CCNI: variants seen among roughly 807,000 people sequenced by gnomAD.
CCNI encodes the protein cyclin I, also known as cyclin-I.
Under a neutral mutation model 34.1 loss-of-function variants are expected in CCNI, and 14 were observed. The observed-to-expected ratio is 0.41, with a 90% CI of 0.27 to 0.64. CCNI has a LOEUF of 0.64. Among genes scored for constraint, CCNI ranks in the 30% least tolerant of loss-of-function variants. The pLI is 0.31. For synonymous variants in CCNI, 154 were observed against 158.4 expected (o/e 0.97, Z 0.21); for missense variants, 385 against 440.5 (o/e 0.87, Z 1.13).
At chr4:77,056,903 G>A (rs1456188417) in intron 3 of CCNI, among the ~76,000 whole-genome samples, 1 of 151,688 alleles carries the variant, frequency 6.6e-6, no homozygotes, top group Non-Finnish European at 1.5e-5. Context: ...AGAGCTAACT[G>A]TTAGCATTAC....
At chr4:77,070,946 G>A (rs1578257811) in intron 1 of CCNI, among the ~76,000 whole-genome samples, 1 of 152,168 alleles carries the variant, frequency 6.6e-6, no homozygotes, top group South Asian at 2.1e-4. Flanking sequence ...AGGTTCTAAG[G>A]TTTCTTCCAA....
chr4:77,067,246 C>CA (rs112476238), intron 1 of CCNI, among the ~76,000 whole-genome samples: 9,338 of 141,546 alleles, frequency 0.066, 926 homozygotes, highest in African/African-American at 0.22. Flanking sequence ...ACAAACAAAC[C>CA]AAAAAAAAAA....
chr4:77,053,360 G>C (rs1415677159), intron 6 of CCNI, among the ~76,000 whole-genome samples: 2 of 152,140 alleles, frequency 1.3e-5, no homozygotes, highest in African/African-American at 4.8e-5. Context: ...CCCTACACCA[G>C]AGCTATAAAA....
At chr4:77,067,554 T>C (rs1156422899) in intron 1 of CCNI, among the ~76,000 whole-genome samples, 1 of 151,950 alleles carries the variant, frequency 6.6e-6, no homozygotes, top group Non-Finnish European at 1.5e-5. Flanking sequence ...AGTACAGTGG[T>C]GTAGTGGCTC....
intron 6 of CCNI, among the ~76,000 whole-genome samples, chr4:77,054,130 GT>G (rs1728050858): frequency 6.6e-6 from 1 of 151,942 alleles, no homozygotes; most frequent in Admixed American, 6.6e-5. Context: ...TTTTTGCCTG[GT>G]TCATTTTCTT....
chr4:77,054,360 A>G (rs1012390868), intron 6 of CCNI, among the ~76,000 whole-genome samples: 1 of 152,220 alleles, frequency 6.6e-6, no homozygotes, highest in Non-Finnish European at 1.5e-5. Context: ...CTACTGTTAA[A>G]TAAGAATAAA....
At chr4:77,060,756 C>T (rs1175112794) in intron 2 of CCNI, among the ~76,000 whole-genome samples, 1 of 152,108 alleles carries the variant, frequency 6.6e-6, no homozygotes. Context: ...TCCCAAGTAG[C>T]TGGGATTACA....
intron 1 of CCNI, among the ~76,000 whole-genome samples, chr4:77,073,009 G>C (rs1040477769): frequency 2.6e-5 from 4 of 152,166 alleles, no homozygotes; most frequent in East Asian, 1.9e-4. Flanking sequence ...AGCACATTTT[G>C]AGTTGAATTA....
At chr4:77,048,772 G>C in intron 6 of CCNI, 110 bp from the exon 7 acceptor site, 1 of 654,808 alleles carries the variant, frequency 1.5e-6, no homozygotes, top group South Asian at 3.5e-5. Flanking sequence ...TCCCCGCTGA[G>C]TCTTTTCTCT....
chr4:77,055,325 A>G lies in CCNI; in HGVS notation c.515T>C (p.Leu172Ser). The G allele has an allele frequency of 6.2e-7, 1 of 1,614,208 alleles. No individual in the cohort carries two copies. Among genetic ancestry groups the G allele is most frequent in the South Asian group, 1.1e-5 (1 of 91,080 alleles). The change falls in exon 6 of 7, where the codon TTG becomes TCG. Residue 172 changes from leucine (L) to serine (S), a missense_variant. By Grantham distance (145) the Leu-to-Ser change is moderately radical (BLOSUM62 -2). Around this residue, in one of 2 missense-constraint regions of CCNI, gnomAD observed 250 missense variants for 248.7 expected, o/e 1.01. Coordinates refer to ENST00000237654, the MANE Select transcript of CCNI (RefSeq NM_006835.3). ...GACTGCCAAATGTTGAGATGGGCTC[A>G]ATTTGGGCAAACTGAAAAGTAACTG... ...RPQLLFSLPKLSPSQHLAVLT... is the reference protein window; with the variant it reads ...RPQLLFSLPKSSPSQHLAVLT...
At chr4:77,072,656 A>AG (rs1729574249) in intron 1 of CCNI, among the ~76,000 whole-genome samples, 3 of 149,806 alleles carry the variant, frequency 2.0e-5, no homozygotes, top group African/African-American at 7.4e-5. Context: ...AAAAAAAAAA[A>AG]AAAAAGAAAA....
chr4:77,047,639 A>T lies in CCNI; in HGVS notation c.*580T>A, dbSNP rs544830591. The T allele has an allele frequency of 2.0e-5, 3 of 152,202 alleles. No homozygotes were observed. Among genetic ancestry groups the T allele is most frequent in the Non-Finnish European group, 4.4e-5 (3 of 68,040 alleles). 9.4% of individuals were successfully genotyped at this position (152,202 alleles called of 1,614,324 possible). On this transcript the variant is annotated 3_prime_UTR_variant, in exon 7 of 7. Coordinates refer to ENST00000237654, the MANE Select transcript of CCNI (RefSeq NM_006835.3). Reference sequence around the variant, plus strand: ...AATTAAAATTTGAAATGAGACACAAAATCAACCTGGTAATATGAGAACTTT... The same window carrying T: ...AATTAAAATTTGAAATGAGACACAATATCAACCTGGTAATATGAGAACTTT...
rs572991428 is a variant in CCNI, at chr4:77,047,618, A to T, written c.*601T>A. 2.0e-5 allele frequency: 3 copies of T among 152,276 alleles called. No homozygotes were observed. Among genetic ancestry groups the T allele is most frequent in the Non-Finnish European group, 4.4e-5 (3 of 68,056 alleles). The allele number at this position is 152,276 out of a possible 1,614,324, so 9.4% of individuals were successfully genotyped here. On this transcript the variant is annotated 3_prime_UTR_variant, in exon 7 of 7. Coordinates refer to ENST00000237654, the MANE Select transcript of CCNI (RefSeq NM_006835.3). ...AAAATGAAAACCATAATTTTAAATTAAAATTTGAAATGAGACACAAAATCA... is the reference window on the plus strand; with the variant it reads ...AAAATGAAAACCATAATTTTAAATTTAAATTTGAAATGAGACACAAAATCA...
intron 6 of CCNI, among the ~76,000 whole-genome samples, chr4:77,051,223 T>C (rs1727802956): frequency 6.6e-6 from 1 of 152,212 alleles, no homozygotes; most frequent in Non-Finnish European, 1.5e-5. Context: ...GCCAAACCCA[T>C]GGATATGGAG....
At chr4:77,066,697 A>T (rs553548512) in intron 1 of CCNI, among the ~76,000 whole-genome samples, 1 of 152,338 alleles carries the variant, frequency 6.6e-6, no homozygotes, top group South Asian at 2.1e-4. Context: ...AAACTTTGTC[A>T]CTGGCTTTTT....
intron 6 of CCNI, among the ~76,000 whole-genome samples, chr4:77,049,102 CA>C (rs1158063882): frequency 6.7e-6 from 1 of 148,570 alleles, no homozygotes; most frequent in Non-Finnish European, 1.5e-5. Context: ...TGTAAGAAGC[CA>C]AAGGGCAAAA....
In CCNI at chr4:77,048,481, T is replaced by C; in HGVS notation, c.872A>G (p.Lys291Arg). 6.2e-7 allele frequency: 1 copy of C among 1,614,102 alleles called. No homozygotes were observed. The highest frequency in any genetic ancestry group is 8.5e-7 in the Non-Finnish European group (1 of 1,179,994). The stretch of plus-strand genomic sequence containing the variant: ...TGGCACTTCTGGCTTGCTGTTGTCC[T>C]TGGAGAAGTCTGGGCCTGGGACAGA... The part of the protein sequence containing the change: ...PSSVPGPDFS[K>R]DNSKPEVPVR... The change falls in exon 7 of 7, where the codon AAG becomes AGG. Residue 291 changes from lysine (K) to arginine (R), a missense_variant. Physicochemically the swap from Lys to Arg is conservative, Grantham distance 26 (BLOSUM62 2). Transcript: ENST00000237654.
intron 1 of CCNI, among the ~76,000 whole-genome samples, chr4:77,067,665 G>A (rs1005526618): frequency 7.2e-6 from 1 of 138,200 alleles, no homozygotes; most frequent in Non-Finnish European, 1.6e-5. Flanking sequence ...TAATTTTGTG[G>A]GGTTTTTTTT....
intron 2 of CCNI, among the ~76,000 whole-genome samples, chr4:77,059,181 AATCTGAAG>A: frequency 6.6e-6 from 1 of 152,106 alleles, no homozygotes; most frequent in East Asian, 1.9e-4. Context: ...ACAGGAAATT[AATCTGAAG>A]TAAATTACTA....
Sources: gnomAD v4.1 joint callset for allele counts (sites outside exome capture counted in the v4.1 genomes callset) on GRCh38, gnomAD v4.1.1 for gene constraint, gnomAD v4.1.1 regional missense constraint, MANE v1.5 for transcripts, NCBI Gene and HGNC (gene_info 2026-07-23, HGNC 2026-07-21) for gene names.